Variants in KCNB2 observed in about 807,000 individuals in gnomAD.
The protein encoded by KCNB2 is potassium voltage-gated channel subfamily B member 2, also known as delayed rectifier potassium channel protein.
A neutral mutation model predicts 61.5 loss-of-function variants in KCNB2; 15 were observed. The ratio of observed to expected loss-of-function variants is 0.24; its 90% CI spans 0.16 to 0.38. KCNB2 has a LOEUF of 0.38. Ranked by LOEUF, KCNB2 falls within the 10% of genes least tolerant of loss-of-function variation. The pLI is 1.00. For missense variants in KCNB2, 828 were observed against 1,125.2 expected (o/e 0.74, Z 3.78); for synonymous variants, 457 against 446.0 (o/e 1.02, Z -0.31).
At chr8:72,659,529 G>A (rs1806346161) in intron 2 of KCNB2, among the ~76,000 whole-genome samples, 1 of 152,170 alleles carries the variant, frequency 6.6e-6, no homozygotes, top group African/African-American at 2.4e-5. Context: ...TTCTACTGTT[G>A]GATAAAATGC....
At chr8:72,901,213 G>A (rs749756443) in intron 2 of KCNB2, among the ~76,000 whole-genome samples, 35 of 152,162 alleles carry the variant, frequency 2.3e-4, no homozygotes, top group Admixed American at 1.8e-3. Flanking sequence ...GGGAGGCATA[G>A]ACTTACTGCA....
At chr8:72,662,247 C>G (rs1298800098) in intron 2 of KCNB2, among the ~76,000 whole-genome samples, 2 of 152,150 alleles carry the variant, frequency 1.3e-5, no homozygotes, top group Non-Finnish European at 2.9e-5. Flanking sequence ...ATCATGACCA[C>G]CTGTAGCTTC....
At chr8:72,761,866 GC>G (rs1332364160) in intron 2 of KCNB2, among the ~76,000 whole-genome samples, 1 of 152,136 alleles carries the variant, frequency 6.6e-6, no homozygotes, top group Non-Finnish European at 1.5e-5. Context: ...AGAGCTACTT[GC>G]AAAAGTATAT....
At chr8:72,924,552 A>G (rs953472325) in intron 2 of KCNB2, among the ~76,000 whole-genome samples, 4 of 152,216 alleles carry the variant, frequency 2.6e-5, no homozygotes, top group African/African-American at 7.2e-5. Flanking sequence ...ATTTTGAATG[A>G]CAAGGCCTTA....
intron 1 of KCNB2, among the ~76,000 whole-genome samples, chr8:72,564,275 C>T (rs967863967): frequency 1.3e-5 from 2 of 152,082 alleles, no homozygotes; most frequent in Admixed American, 6.6e-5. Flanking sequence ...CAAGTCACAC[C>T]ATGCCTTTGC....
chr8:72,906,411 A>G (rs1482834632), intron 2 of KCNB2, among the ~76,000 whole-genome samples: 2 of 152,188 alleles, frequency 1.3e-5, no homozygotes, highest in Non-Finnish European at 2.9e-5. Context: ...GGATTAGCTC[A>G]CATTAAACAA....
intron 2 of KCNB2, among the ~76,000 whole-genome samples, chr8:72,748,807 G>A (rs1030061528): frequency 1.3e-5 from 2 of 151,880 alleles, no homozygotes; most frequent in East Asian, 3.9e-4. Context: ...AAATGGCTCA[G>A]TGAAGCTAAT....
chr8:72,832,843 G>T (rs1190236854), intron 2 of KCNB2, among the ~76,000 whole-genome samples: 1 of 152,194 alleles, frequency 6.6e-6, no homozygotes, highest in African/African-American at 2.4e-5. Context: ...GGAGAGAAAT[G>T]CTGGGTTTAG....
intron 2 of KCNB2, among the ~76,000 whole-genome samples, chr8:72,767,080 C>T (rs926597467): frequency 5.9e-5 from 9 of 152,232 alleles, no homozygotes; most frequent in African/African-American, 2.2e-4. Flanking sequence ...GAAAAACCAG[C>T]ACCCATGATT....
At chr8:72,561,757 A>ACG (rs1806530596) in intron 1 of KCNB2, among the ~76,000 whole-genome samples, 3 of 22,954 alleles carry the variant, frequency 1.3e-4, no homozygotes, top group African/African-American at 1.3e-3. Context: ...GTATATATAT[A>ACG]TATGGATATA....
intron 2 of KCNB2, among the ~76,000 whole-genome samples, chr8:72,777,259 C>G (rs192914334): frequency 6.6e-6 from 1 of 152,108 alleles, no homozygotes; most frequent in Non-Finnish European, 1.5e-5. Flanking sequence ...TGATCTTAGC[C>G]TTGCATATTT....
intron 2 of KCNB2, among the ~76,000 whole-genome samples, chr8:72,580,793 C>G (rs1479778552): frequency 6.6e-6 from 1 of 152,146 alleles, no homozygotes; most frequent in Non-Finnish European, 1.5e-5. Flanking sequence ...CATGCTTGGA[C>G]TATTGTTGTA....
chr8:72,658,265 A>G (rs956836927), intron 2 of KCNB2, among the ~76,000 whole-genome samples: 1 of 152,198 alleles, frequency 6.6e-6, no homozygotes, highest in Admixed American at 6.5e-5. Context: ...TAAGAAAAAG[A>G]AACAACTTTA....
chr8:72,896,974 G>T (rs1401339640), intron 2 of KCNB2, among the ~76,000 whole-genome samples: 2 of 152,056 alleles, frequency 1.3e-5, no homozygotes, highest in African/African-American at 4.8e-5. Context: ...TAGTAAATTG[G>T]AATAGTCTTA....
chr8:72,622,061 G>T (rs1335202319), intron 2 of KCNB2, among the ~76,000 whole-genome samples: 5 of 152,130 alleles, frequency 3.3e-5, no homozygotes, highest in African/African-American at 1.2e-4. Flanking sequence ...GTCAATTAGT[G>T]TATATTTCAT....
intron 2 of KCNB2, among the ~76,000 whole-genome samples, chr8:72,646,892 G>A (rs938032346): frequency 9.9e-5 from 15 of 152,130 alleles, no homozygotes; most frequent in African/African-American, 3.1e-4. Context: ...TTATGAGAAA[G>A]CATTTTTTTT....
chr8:72,856,795 C>T (rs759353508), intron 2 of KCNB2, among the ~76,000 whole-genome samples: 1 of 152,066 alleles, frequency 6.6e-6, no homozygotes, highest in African/African-American at 2.4e-5. Flanking sequence ...AGAAAAAAGC[C>T]AACAACTGGA....
chr8:72,809,231 A>G (rs942505912), intron 2 of KCNB2, among the ~76,000 whole-genome samples: 8 of 152,054 alleles, frequency 5.3e-5, no homozygotes, highest in Non-Finnish European at 1.0e-4. Context: ...ACTTCATTCC[A>G]CCTGAAGATA....
In KCNB2 at chr8:72,789,845, G is replaced by A. The variant is rs373992581; in HGVS notation, c.580-146090G>A. On this transcript the variant is annotated intron_variant, in intron 2 of 2. Coordinates refer to ENST00000523207, the MANE Select transcript of KCNB2 (RefSeq NM_004770.3). Reference sequence around the variant, plus strand: ...CACTATAGTAGGCCAAGCAGGAGGTGATATTAATCTGAATTCAGGAAATGG... The same window carrying A: ...CACTATAGTAGGCCAAGCAGGAGGTAATATTAATCTGAATTCAGGAAATGG... 6.6e-5 allele frequency among the ~76,000 whole-genome samples: 10 copies of A among 152,150 alleles called. No individual in the cohort carries two copies. The East Asian group carries it at 1.9e-3, about 30-fold the overall frequency.
Sources: allele counts gnomAD v4.1 joint callset (sites outside exome capture counted in the v4.1 genomes callset), GRCh38; gene constraint gnomAD v4.1.1; transcripts MANE v1.5; gene names NCBI Gene and HGNC (gene_info 2026-07-23, HGNC 2026-07-21).